The following CHCHD3 variants were observed in gnomAD, a reference collection of about 807,000 sequenced individuals.
CHCHD3 encodes MICOS complex subunit MIC19.
Under a neutral mutation model 38.2 loss-of-function variants are expected in CHCHD3, and 20 were observed. That is an observed-to-expected ratio of 0.52 (90% CI 0.37 to 0.76). The LOEUF (loss-of-function observed/expected upper bound fraction) is 0.76, where lower values mean the gene tolerates loss of function less well. Among genes scored for constraint, CHCHD3 ranks in the 30% least tolerant of loss-of-function variants. The probability of loss-of-function intolerance (pLI) is 0.00; values close to 1 mark genes in which losing one functional copy is unlikely to be tolerated. For synonymous variants in CHCHD3, 82 were observed against 100.0 expected, an observed-to-expected ratio of 0.82 and a Z score of 1.07; for missense variants, 245 against 279.2, an observed-to-expected ratio of 0.88 and a Z score of 0.87.
At chr7:132,794,678 G>GA (rs1367254144) in intron 7 of CHCHD3, among the ~76,000 whole-genome samples, 1 of 152,070 alleles carries the variant, frequency 6.6e-6, no homozygotes, top group African/African-American at 2.4e-5. Context: ...GAGTGAGGGG[G>GA]AAAAAAGAGG....
At chr7:132,799,875 A>G (rs1202719936) in intron 6 of CHCHD3, among the ~76,000 whole-genome samples, 1 of 151,724 alleles carries the variant, frequency 6.6e-6, no homozygotes, top group Non-Finnish European at 1.5e-5. Flanking sequence ...CCTCATCTCC[A>G]CAAGCACTAG....
chr7:132,806,495 A>C (rs139466246), intron 6 of CHCHD3, among the ~76,000 whole-genome samples: 10 of 152,316 alleles, frequency 6.6e-5, no homozygotes, highest in African/African-American at 2.4e-4. Context: ...GGGAAGGATT[A>C]CATCTGGCTG....
At chr7:132,910,305 A>G (rs761366245) in intron 4 of CHCHD3, among the ~76,000 whole-genome samples, 5 of 152,204 alleles carry the variant, frequency 3.3e-5, no homozygotes, top group Non-Finnish European at 7.3e-5. Flanking sequence ...CTGCAACTCC[A>G]TAACAAGTGC....
intron 5 of CHCHD3, among the ~76,000 whole-genome samples, chr7:132,880,324 T>C (rs1485201407): frequency 2.6e-5 from 4 of 152,184 alleles, no homozygotes; most frequent in Non-Finnish European, 4.4e-5. Flanking sequence ...TGTTGGTAAG[T>C]ATAAAATGAG....
intron 3 of CHCHD3, among the ~76,000 whole-genome samples, chr7:132,995,642 C>T (rs1015018216): frequency 4.6e-5 from 7 of 152,184 alleles, no homozygotes; most frequent in African/African-American, 7.2e-5. Flanking sequence ...TGTGAAGCTG[C>T]GGAATTGGCC....
chr7:132,850,438 G>GTTTTTTTTTTTTTTTTTT (rs55705092), intron 5 of CHCHD3, among the ~76,000 whole-genome samples: 2 of 141,794 alleles, frequency 1.4e-5, no homozygotes, highest in African/African-American at 2.6e-5. Flanking sequence ...AGAGTCTCAG[G>GTTTTTTTTTTTTTTTTTT]TTTTTTTTTT....
At chr7:132,902,400 A>G (rs944209072) in intron 4 of CHCHD3, among the ~76,000 whole-genome samples, 1 of 152,232 alleles carries the variant, frequency 6.6e-6, no homozygotes, top group African/African-American at 2.4e-5. Flanking sequence ...TCACAATAGC[A>G]AAGACTTGGA....
chr7:133,065,273 C>T (rs527728005), intron 2 of CHCHD3, among the ~76,000 whole-genome samples: 3 of 151,942 alleles, frequency 2.0e-5, no homozygotes, highest in Admixed American at 6.5e-5. Flanking sequence ...GCTTTACATG[C>T]GAATACTTAC....
At chr7:133,031,966 A>G (rs1484929400) in intron 2 of CHCHD3, among the ~76,000 whole-genome samples, 1 of 152,182 alleles carries the variant, frequency 6.6e-6, no homozygotes, top group East Asian at 1.9e-4. Context: ...GAAAATAATA[A>G]TCAAAGCATC....
At position 133,024,616 on chromosome 7, in the gene CHCHD3, C is replaced by T; in HGVS notation, c.181G>A (p.Glu61Lys). The change falls in exon 3 of 8, where the codon GAA becomes AAA. Residue 61 changes from glutamate to lysine, a missense_variant. Coordinates refer to ENST00000262570, the MANE Select transcript of CHCHD3 (RefSeq NM_017812.4). ...TCCTCAGCTACTCTTCTTTTCAATT[C>T]TTCATCAGAAACTAGAATCGATAAA... Reference protein sequence around the residue: ...GAYGASVSDEELKRRVAEELA... With the variant: ...GAYGASVSDEKLKRRVAEELA... The T allele has an allele frequency of 6.2e-7, 1 of 1,612,044 alleles. No individual in the cohort carries two copies. Among genetic ancestry groups the T allele is most frequent in the South Asian group, 1.1e-5 (1 of 91,038 alleles).
chr7:133,021,095 T>C (rs1813166574), intron 3 of CHCHD3, among the ~76,000 whole-genome samples: 1 of 152,156 alleles, frequency 6.6e-6, no homozygotes. Context: ...CTCCAAACAT[T>C]GTCAAATGCC....
chr7:133,029,641 C>G (rs1224415006), intron 2 of CHCHD3, among the ~76,000 whole-genome samples: 3 of 152,134 alleles, frequency 2.0e-5, no homozygotes, highest in Non-Finnish European at 4.4e-5. Context: ...AAACGGTGAC[C>G]AGCTGGGTGG....
At chr7:133,062,300 G>C (rs560404119) in intron 2 of CHCHD3, among the ~76,000 whole-genome samples, 1 of 151,954 alleles carries the variant, frequency 6.6e-6, no homozygotes, top group Non-Finnish European at 1.5e-5. Context: ...TTCCAAGAAA[G>C]GCAAAAATAT....
intron 5 of CHCHD3, among the ~76,000 whole-genome samples, chr7:132,848,145 C>T (rs1808127455): frequency 6.6e-6 from 1 of 152,186 alleles, no homozygotes. Context: ...TTACTGCTAA[C>T]AACTGCAGGC....
intron 4 of CHCHD3, among the ~76,000 whole-genome samples, chr7:132,916,773 C>A (rs1269280176): frequency 6.6e-6 from 1 of 151,836 alleles, no homozygotes; most frequent in African/African-American, 2.4e-5. Context: ...GAGATGGGGT[C>A]TCTCTATATT....
intron 4 of CHCHD3, among the ~76,000 whole-genome samples, chr7:132,914,808 T>C (rs2117226247): frequency 6.6e-6 from 1 of 152,142 alleles, no homozygotes; most frequent in East Asian, 1.9e-4. Context: ...CACAACAACT[T>C]GGAAACGATG....
chr7:132,907,953 A>G (rs1260454102), intron 4 of CHCHD3, among the ~76,000 whole-genome samples: 1 of 152,238 alleles, frequency 6.6e-6, no homozygotes, highest in Non-Finnish European at 1.5e-5. Flanking sequence ...AAACCCAGGG[A>G]AATGTACAAG....
chr7:132,846,903 A>G (rs1808088618), intron 5 of CHCHD3, among the ~76,000 whole-genome samples: 1 of 152,270 alleles, frequency 6.6e-6, no homozygotes, highest in Admixed American at 6.5e-5. Flanking sequence ...GTGTTCAACT[A>G]CAATAATAGT....
chr7:132,818,157 T>C lies in CHCHD3; in HGVS notation c.524+20242A>G, dbSNP rs1807252771. Among the ~76,000 whole-genome samples the C allele has an allele frequency of 3.3e-5, 5 of 152,240 alleles. No homozygotes were observed. In the South Asian group the frequency reaches 1.0e-3, roughly 31 times the overall value. On this transcript the variant is annotated intron_variant, in intron 6 of 7. Coordinates refer to ENST00000262570, the MANE Select transcript of CHCHD3 (RefSeq NM_017812.4). ...CAGTGCTGTTTTATGTGATATCTTC[T>C]TCATGTGGCAACCTTTTCATAAATC...
Sources: allele counts gnomAD v4.1 joint callset (sites outside exome capture counted in the v4.1 genomes callset), GRCh38; gene constraint gnomAD v4.1.1; transcripts MANE v1.5; gene names NCBI Gene and HGNC (gene_info 2026-07-23, HGNC 2026-07-21).